FADS2: variants seen among roughly 807,000 people sequenced by gnomAD.
FADS2 encodes acyl-CoA 6-desaturase.
In FADS2, 18 loss-of-function variants were observed where a neutral mutation model predicts 61.2. The observed-to-expected ratio is 0.29, with a 90% CI of 0.20 to 0.44. FADS2 has a LOEUF of 0.44. FADS2 is among the 20% of genes least tolerant of loss of function. The pLI, the probability that FADS2 is intolerant of heterozygous loss-of-function variation, is 1.00. For synonymous variants in FADS2, 203 were observed against 223.9 expected (o/e 0.91, Z 0.83); for missense variants, 322 against 572.7 (o/e 0.56, Z 4.47).
At position 61,837,878 on chromosome 11, in the gene FADS2, A is replaced by G. The variant is rs1372471879; in HGVS notation, c.308A>G (p.His103Arg). Residue 103 changes from histidine to arginine, a missense_variant, in exon 2 of 12, where the codon CAC becomes CGC. Physicochemically the swap from His to Arg is conservative, Grantham distance 29. Coordinates refer to ENST00000278840, the MANE Select transcript of FADS2 (RefSeq NM_004265.4). ...GCCCCGGAGGAGCCCAGCCAGGACCACGGCAAGAACGTAAGTCTGGCTTGC... is the reference window on the plus strand; with the variant it reads ...GCCCCGGAGGAGCCCAGCCAGGACCGCGGCAAGAACGTAAGTCTGGCTTGC... ...ELAPEEPSQD[H>R]GKNSKITEDF... is the part of the protein sequence containing the mutation. 1.2e-6 allele frequency: 2 copies of G among 1,612,434 alleles called. No homozygotes were observed. The highest frequency in any genetic ancestry group is 1.7e-6 in the Non-Finnish European group (2 of 1,179,044).
intron 7 of FADS2, among the ~76,000 whole-genome samples, chr11:61,858,914 C>T (rs552593246): frequency 2.6e-4 from 39 of 152,146 alleles, no homozygotes; most frequent in African/African-American, 9.4e-4. Flanking sequence ...TTATCAAAGA[C>T]TAAATTGTCA....
In FADS2 at chr11:61,816,675, G is replaced by A. The variant is rs759905383; in HGVS notation, c.141+249G>A. The stretch of plus-strand genomic sequence containing the variant: ...CTAGCCACCGCTCCTCGCACCCTGA[G>A]CGCTGGGCCACCTCGTCCCAGGTGA... On this transcript the variant is annotated intron_variant, in intron 1 of 11. Coordinates refer to the FADS2 transcript ENST00000257261. The surrounding 1 kb of genome is among the most constrained non-coding windows in gnomAD (Gnocchi z 7.0). 1.3e-6 allele frequency: 2 copies of A among 1,593,056 alleles called. No homozygotes were observed. The highest frequency in any genetic ancestry group is 1.1e-5 in the South Asian group (1 of 88,068).
At chr11:61,826,332 C>T (rs747922941), upstream of FADS2, 29 of 702,486 alleles carry the variant, frequency 4.1e-5, no homozygotes, top group Non-Finnish European at 7.3e-5. Flanking sequence ...ACCCCAGGCC[C>T]TGGCCGGTCC....
chr11:61,838,223 G>A (rs1277320031), intron 2 of FADS2, among the ~76,000 whole-genome samples: 1 of 152,156 alleles, frequency 6.6e-6, no homozygotes, highest in Admixed American at 6.6e-5. Flanking sequence ...GAGTGGCTTT[G>A]GGGTGTGTGG....
intron 4 of FADS2, among the ~76,000 whole-genome samples, chr11:61,841,390 T>A (rs2067215526): frequency 6.6e-6 from 1 of 151,568 alleles, no homozygotes. Context: ...TTCCTTTCAC[T>A]GGGGATGTGA....
chr11:61,851,454 C>T (rs546135857), intron 5 of FADS2, among the ~76,000 whole-genome samples: 4 of 152,290 alleles, frequency 2.6e-5, no homozygotes, highest in East Asian at 3.9e-4. Flanking sequence ...CAGCCAGTGC[C>T]GCGGTGTTCT....
chr11:61,864,795 C>G lies in FADS2; in HGVS notation c.1158-357C>G, dbSNP rs138477455. Among the ~76,000 whole-genome samples, 181 of 152,328 alleles carry G rather than the reference C, an allele frequency of 1.2e-3. 2 individuals are homozygous for G. In the East Asian group the frequency reaches 0.018, roughly 15 times the overall value. On this transcript the variant is annotated intron_variant, in intron 10 of 11. Coordinates refer to ENST00000278840, the MANE Select transcript of FADS2 (RefSeq NM_004265.4). Reference sequence around the variant, plus strand: ...AAGTGATCTGCCTGCCTCGGCCTCCCAAAATGCTGGGATTACAGGCGTGAG... The same window carrying G: ...AAGTGATCTGCCTGCCTCGGCCTCCGAAAATGCTGGGATTACAGGCGTGAG...
upstream of FADS2, chr11:61,828,084 C>T: frequency 7.9e-7 from 1 of 1,268,534 alleles, no homozygotes; most frequent in South Asian, 1.9e-5. The surrounding 1 kb of genome is among the most constrained non-coding windows in gnomAD (Gnocchi z 6.4). Context: ...GTGTCGAGGC[C>T]CTGAGCTCCC....
intron 5 of FADS2, 145 bp from the exon 6 acceptor site, chr11:61,856,866 T>G: frequency 1.4e-6 from 1 of 716,344 alleles, no homozygotes; most frequent in South Asian, 1.7e-5. Flanking sequence ...CCAGGCTTGG[T>G]GGGCCCAGGG....
chr11:61,833,940 A>ACAC (rs1232207815), intron 1 of FADS2, among the ~76,000 whole-genome samples: 4 of 152,204 alleles, frequency 2.6e-5, no homozygotes, highest in Non-Finnish European at 5.9e-5. Flanking sequence ...AGCGAACAAG[A>ACAC]CAGGTGCAGG....
chr11:61,854,919 G>T (rs927445836), intron 5 of FADS2: 2 of 152,282 alleles, frequency 1.3e-5, no homozygotes, highest in African/African-American at 4.8e-5. Context: ...TGCCTGGCAA[G>T]CAGGACCCCC....
At chr11:61,859,630 T>A (rs938660490) in intron 7 of FADS2, among the ~76,000 whole-genome samples, 1 of 152,212 alleles carries the variant, frequency 6.6e-6, no homozygotes, top group African/African-American at 2.4e-5. Flanking sequence ...CATTATGTTT[T>A]TTCCCTCCTT....
Position 61,829,832 on chromosome 11 carries a change from C to T in FADS2, c.207+1235C>T, listed in dbSNP as rs1004950947. Among the ~76,000 whole-genome samples the T allele has an allele frequency of 4.1e-4, 63 of 152,286 alleles. 1 individual carries two copies. Among genetic ancestry groups the T allele is most frequent in the African/African-American group, 1.5e-3 (61 of 41,552 alleles). ...TAGGCCCGACCCTTAACTTCCCCAC[C>T]TCTTGCATCTCATGGAGACAGGCCT... On this transcript the variant is annotated intron_variant, in intron 1 of 11. Coordinates refer to ENST00000278840, the MANE Select transcript of FADS2 (RefSeq NM_004265.4).
At chr11:61,861,240 G>C (rs2067411457) in intron 7 of FADS2, among the ~76,000 whole-genome samples, 1 of 150,684 alleles carries the variant, frequency 6.6e-6, no homozygotes, top group Admixed American at 6.6e-5. Flanking sequence ...TGTAGACCCA[G>C]CTACTTGGGA....
At chr11:61,859,349 G>A (rs762327427) in intron 7 of FADS2, among the ~76,000 whole-genome samples, 3 of 152,264 alleles carry the variant, frequency 2.0e-5, no homozygotes, top group East Asian at 1.9e-4. Flanking sequence ...GAGCCACCGC[G>A]CCCGGCCTGT....
chr11:61,858,344 A>G (rs983860809), intron 7 of FADS2, among the ~76,000 whole-genome samples: 6 of 151,584 alleles, frequency 4.0e-5, no homozygotes, highest in Admixed American at 2.0e-4. Context: ...ATGCCCAGCT[A>G]ATTTTTGTAT....
upstream of FADS2, among the ~76,000 whole-genome samples, chr11:61,824,481 A>G (rs1565325340): frequency 1.5e-3 from 12 of 8,274 alleles, no homozygotes; most frequent in Non-Finnish European, 8.1e-3. Context: ...AGAGAGAGAG[A>G]GAGAGAGAGA....
At chr11:61,840,596 G>T in intron 3 of FADS2, 28 bp from the exon 4 acceptor site, 1 of 1,612,764 alleles carries the variant, frequency 6.2e-7, no homozygotes, top group South Asian at 1.1e-5. Context: ...CTGAGGCTGT[G>T]ACAGCACGTG....
intron 1 of FADS2, among the ~76,000 whole-genome samples, chr11:61,819,781 A>G (rs1235640703): frequency 1.3e-5 from 2 of 152,102 alleles, no homozygotes; most frequent in Non-Finnish European, 2.9e-5. Flanking sequence ...TTTGTTACAT[A>G]TGTATACATG....
Sources: allele counts gnomAD v4.1 joint callset (sites outside exome capture counted in the v4.1 genomes callset), GRCh38; gene constraint gnomAD v4.1.1; non-coding constraint Gnocchi (gnomAD v3.1); transcripts MANE v1.5; gene names NCBI Gene and HGNC (gene_info 2026-07-23, HGNC 2026-07-21).